KMT2C: variants seen among roughly 807,000 people sequenced by gnomAD.
The protein encoded by KMT2C is histone-lysine N-methyltransferase 2C.
In KMT2C, 88 loss-of-function variants were observed where a neutral mutation model predicts 507.9. The ratio of observed to expected loss-of-function variants is 0.17; its 90% confidence interval spans 0.15 to 0.21. KMT2C has a LOEUF of 0.21. KMT2C is among the 10% of genes least tolerant of loss of function. The probability of loss-of-function intolerance (pLI) is 1.00; values close to 1 mark genes in which losing one functional copy is unlikely to be tolerated. For synonymous variants in KMT2C, 2,049 were observed against 2,080.8 expected (o/e 0.98, Z 0.42); for missense variants, 4,954 against 5,957.8 (o/e 0.83, Z 5.55).
At chr7:152,199,641 C>T (rs1444222460) in intron 26 of KMT2C, among the ~76,000 whole-genome samples, 182 bp from the exon 27 acceptor site, 1 of 152,130 alleles carries the variant, frequency 6.6e-6, no homozygotes, top group African/African-American at 2.4e-5. Flanking sequence ...TATATAGATT[C>T]TCCTTATTTT....
intron 1 of KMT2C, among the ~76,000 whole-genome samples, chr7:152,372,944 A>C (rs931799008): frequency 2.0e-5 from 3 of 152,242 alleles, no homozygotes; most frequent in Non-Finnish European, 4.4e-5. Context: ...TCTCCAGGAT[A>C]GATCATATGT....
rs528660736 is a variant in KMT2C, at chr7:152,296,984, A to T, written c.849+12982T>A. 1.8e-4 allele frequency among the ~76,000 whole-genome samples: 27 copies of T among 147,640 alleles called. No individual in the cohort carries two copies. The South Asian group carries it at 5.6e-3, about 31-fold the overall frequency. On this transcript the variant is annotated intron_variant, in intron 6 of 58. Coordinates refer to ENST00000262189, the MANE Select transcript of KMT2C (RefSeq NM_170606.3). ...GTGAAATCCCATCACCACTAAAAAG[A>T]AAGAAAGAAAGAAAAAGAAAGAAAG...
At position 152,156,426 on chromosome 7, in the gene KMT2C, T is replaced by A. The variant is rs796113065; in HGVS notation, c.11671-80A>T. The A allele has an allele frequency of 4.6e-6, 7 of 1,537,932 alleles. No individual in the cohort carries two copies. The African/African-American group carries it at 9.6e-5, about 21-fold the overall frequency. ...CTTGCTAAAACGTAGTTCTGTGAAT[T>A]TTTTGCACATAGAAGCAAGGCTACA... On this transcript the variant is annotated intron_variant, in intron 44 of 58. Coordinates refer to ENST00000262189, the MANE Select transcript of KMT2C (RefSeq NM_170606.3).
intron 48 of KMT2C, among the ~76,000 whole-genome samples, chr7:152,153,164 C>A (rs2091779254): frequency 6.6e-6 from 1 of 152,238 alleles, no homozygotes; most frequent in African/African-American, 2.4e-5. Flanking sequence ...CAGAAATCCT[C>A]ATAAAGGGAT....
intron 6 of KMT2C, among the ~76,000 whole-genome samples, chr7:152,295,458 T>A (rs2096482412): frequency 6.6e-6 from 1 of 152,228 alleles, no homozygotes; most frequent in East Asian, 1.9e-4. Context: ...TCAAACCCTG[T>A]AAAGGGTGAC....
chr7:152,374,084 G>A (rs538077602), intron 1 of KMT2C, among the ~76,000 whole-genome samples: 111 of 152,134 alleles, frequency 7.3e-4, no homozygotes, highest in Non-Finnish European at 1.2e-3. Context: ...AGGCCAAAGC[G>A]GGCAGATCAC....
At chr7:152,344,079 G>C (rs912338737) in intron 2 of KMT2C, among the ~76,000 whole-genome samples, 3 of 152,050 alleles carry the variant, frequency 2.0e-5, no homozygotes, top group Non-Finnish European at 4.4e-5. Flanking sequence ...AATTATGATT[G>C]CTTATGTATA....
intron 1 of KMT2C, among the ~76,000 whole-genome samples, chr7:152,412,608 G>A (rs1288513039): frequency 6.6e-6 from 1 of 151,994 alleles, no homozygotes; most frequent in Non-Finnish European, 1.5e-5. Context: ...CTGGCCAAAT[G>A]TATTCTACTC....
At chr7:152,375,083 C>T (rs1451544071) in intron 1 of KMT2C, among the ~76,000 whole-genome samples, 3 of 152,194 alleles carry the variant, frequency 2.0e-5, no homozygotes, top group Non-Finnish European at 4.4e-5. Flanking sequence ...CACTCTGCTG[C>T]CCAAACTGGA....
intron 1 of KMT2C, among the ~76,000 whole-genome samples, chr7:152,419,491 G>A (rs1049726440): frequency 1.3e-5 from 2 of 152,138 alleles, no homozygotes; most frequent in African/African-American, 4.8e-5. Flanking sequence ...AATTAAAGGA[G>A]ATCAGAAATT....
chr7:152,161,887 C>CA (rs1372238778), intron 43 of KMT2C, among the ~76,000 whole-genome samples: 1 of 152,140 alleles, frequency 6.6e-6, no homozygotes, highest in Non-Finnish European at 1.5e-5. Flanking sequence ...ATATGAAATG[C>CA]AATACATGCC....
intron 1 of KMT2C, among the ~76,000 whole-genome samples, chr7:152,410,344 G>A (rs556058774): frequency 7.1e-4 from 108 of 152,174 alleles, no homozygotes; most frequent in African/African-American, 2.0e-3. Context: ...CCCAGGAGGC[G>A]GAGCTTGCAC....
rs1243433338 is a variant in KMT2C at position 152,180,780 on chromosome 7, T to C, written c.7080A>G (p.Pro2360=). Residue 2360 remains proline (P), a synonymous_variant, in exon 36 of 59, where the codon CCA becomes CCG. Transcript: ENST00000262189. ...TCTGTGTATCAGTTACTCCTGAAGT[T>C]GGCACAGGTCCAGGAAGTTGGGAGA... ...SGVSQLPGPV[P]TSGVTDTQNT... 6.2e-7 allele frequency: 1 copy of C among 1,614,178 alleles called. No individual in the cohort carries two copies. The highest frequency in any genetic ancestry group is 1.7e-5 in the Admixed American group (1 of 60,030).
chr7:152,366,668 T>C (rs1238351584), intron 1 of KMT2C: 1 of 155,258 alleles, frequency 6.4e-6, no homozygotes, highest in Non-Finnish European at 1.4e-5. Context: ...GCTATGAAAA[T>C]GGATAGTGTC....
At chr7:152,314,490 C>T (rs2096704815) in intron 4 of KMT2C, among the ~76,000 whole-genome samples, 1 of 146,262 alleles carries the variant, frequency 6.8e-6, no homozygotes, top group Non-Finnish European at 1.5e-5. Flanking sequence ...TAGGTAATTA[C>T]AATGTGCCCG....
intron 43 of KMT2C, among the ~76,000 whole-genome samples, 197 bp downstream of exon 43, chr7:152,161,920 A>G (rs1288316684): frequency 6.6e-6 from 1 of 152,232 alleles, no homozygotes; most frequent in East Asian, 1.9e-4. Flanking sequence ...AAAATAGTAA[A>G]CAAATTATTA....
intron 1 of KMT2C, among the ~76,000 whole-genome samples, chr7:152,396,140 AAACACT>A (rs2097536849): frequency 6.6e-6 from 1 of 152,216 alleles, no homozygotes; most frequent in Admixed American, 6.5e-5. Context: ...AAAGCATTAC[AAACACT>A]ATCACCCATA....
intron 44 of KMT2C, among the ~76,000 whole-genome samples, chr7:152,158,511 G>GT (rs566073420): frequency 0.053 from 6,765 of 128,112 alleles, 217 homozygotes; most frequent in African/African-American, 0.1. Context: ...TGAATTGTTT[G>GT]TTTTTTTTTT....
At chr7:152,224,781 A>T (rs933954149) in intron 18 of KMT2C, among the ~76,000 whole-genome samples, 165 bp from the exon 19 acceptor site, 2 of 152,232 alleles carry the variant, frequency 1.3e-5, no homozygotes, top group African/African-American at 4.8e-5. Flanking sequence ...GGGCATGTTC[A>T]TACACGCTTT....
Sources: allele counts gnomAD v4.1 joint callset (sites outside exome capture counted in the v4.1 genomes callset), GRCh38; gene constraint gnomAD v4.1.1; transcripts MANE v1.5; gene names NCBI Gene and HGNC (gene_info 2026-07-23, HGNC 2026-07-21).